Variants in BIRC6 observed in about 807,000 individuals in gnomAD.
The protein encoded by BIRC6 is baculoviral IAP repeat containing 6, also known as dual E2 ubiquitin-conjugating enzyme/E3 ubiquitin-protein ligase BIRC6.
BIRC6 carries 98 observed loss-of-function variants against 503.3 expected under a neutral mutation model. The ratio of observed to expected loss-of-function variants is 0.19; its 90% CI spans 0.17 to 0.23. BIRC6 has a LOEUF of 0.23. Ranked by LOEUF, BIRC6 falls within the 10% of genes least tolerant of loss-of-function variation. The pLI is 1.00. For synonymous variants in BIRC6, 2,240 were observed against 2,078.7 expected (o/e 1.08, Z -2.11); for missense variants, 5,360 against 5,806.0 (o/e 0.92, Z 2.50).
chr2:32,389,123 G>A (rs6734595), intron 4 of BIRC6, among the ~76,000 whole-genome samples, 180 bp downstream of exon 4: 9,745 of 152,066 alleles, frequency 0.064, 469 homozygotes, highest in Non-Finnish European at 0.098. Flanking sequence ...AAAGTAAACT[G>A]CTACTTGAAT....
intron 44 of BIRC6, among the ~76,000 whole-genome samples, chr2:32,491,922 A>G (rs890832226): frequency 1.1e-4 from 16 of 152,106 alleles, no homozygotes; most frequent in South Asian, 2.1e-4. Flanking sequence ...AAGATTATCA[A>G]TTCACCTTAA....
intron 71 of BIRC6, among the ~76,000 whole-genome samples, chr2:32,607,009 T>C (rs912295866): frequency 2.0e-5 from 3 of 147,246 alleles, no homozygotes; most frequent in African/African-American, 5.0e-5. Flanking sequence ...CTCAGTCTTA[T>C]TAAAAAAAAA....
chr2:32,560,079 T>C (rs924923358), intron 65 of BIRC6, among the ~76,000 whole-genome samples: 3 of 152,164 alleles, frequency 2.0e-5, no homozygotes, highest in African/African-American at 7.2e-5. Context: ...GTTCCAGACA[T>C]AGGCATAGAT....
chr2:32,492,792 A>T (rs1375187779), intron 44 of BIRC6, among the ~76,000 whole-genome samples: 1 of 152,046 alleles, frequency 6.6e-6, no homozygotes, highest in African/African-American at 2.4e-5. Flanking sequence ...TATAATTTGT[A>T]TGCTCAGTAT....
At chr2:32,449,672 G>A (rs571644915) in intron 22 of BIRC6, among the ~76,000 whole-genome samples, 2 of 152,152 alleles carry the variant, frequency 1.3e-5, no homozygotes, top group East Asian at 3.9e-4. Context: ...AACTTATGAG[G>A]TGTAATAAAA....
At chr2:32,591,640 C>A (rs2061386705) in intron 66 of BIRC6, among the ~76,000 whole-genome samples, 1 of 152,214 alleles carries the variant, frequency 6.6e-6, no homozygotes, top group Admixed American at 6.5e-5. Flanking sequence ...TCTTCCTTCT[C>A]TGCAAGATAT....
At chr2:32,401,712 GA>G (rs1442573452) in intron 8 of BIRC6, 89 bp downstream of exon 8, 53 of 1,205,664 alleles carry the variant, frequency 4.4e-5, no homozygotes, top group South Asian at 1.9e-4. Flanking sequence ...TAAAGAGGAG[GA>G]AAAAAAAGTT....
At chr2:32,455,382 A>C (rs1318170531) in intron 23 of BIRC6, among the ~76,000 whole-genome samples, 2 of 147,864 alleles carry the variant, frequency 1.4e-5, no homozygotes, top group African/African-American at 4.9e-5. Flanking sequence ...CTGTCTCCAA[A>C]AAAAAAAAAA....
At chr2:32,375,743 C>CTCTCTT (rs1432305814) in intron 1 of BIRC6, among the ~76,000 whole-genome samples, 3 of 138,380 alleles carry the variant, frequency 2.2e-5, no homozygotes, top group African/African-American at 8.1e-5. Context: ...CTTTCTCTCT[C>CTCTCTT]TTTTTTTTTT....
intron 6 of BIRC6, among the ~76,000 whole-genome samples, chr2:32,396,438 A>C (rs373808080): frequency 6.6e-6 from 1 of 152,228 alleles, no homozygotes; most frequent in Non-Finnish European, 1.5e-5. Flanking sequence ...GCTGATGTGC[A>C]TGGGGCAAAC....
chr2:32,474,560 G>A (rs1337342829), intron 33 of BIRC6, among the ~76,000 whole-genome samples: 1 of 152,166 alleles, frequency 6.6e-6, no homozygotes, highest in Non-Finnish European at 1.5e-5. Context: ...CATTTTGATG[G>A]TTGTAACTGT....
In BIRC6 at chr2:32,501,839, T is replaced by G. The variant is rs1400294869; in HGVS notation, c.9158T>G (p.Met3053Arg). Reference sequence around the variant, plus strand: ...AAAAAAGCTTCTACAGTCCACATGATGCTGCAGCCAATTTTAACATACATG... The same window carrying G: ...AAAAAAGCTTCTACAGTCCACATGAGGCTGCAGCCAATTTTAACATACATG... ...LSKKASTVHM[M>R]LQPILTYMAC... The change falls in exon 47 of 74, where the codon ATG becomes AGG. Residue 3053 changes from methionine (M) to arginine (R), a missense_variant. Around this residue, in one of 16 missense-constraint regions of BIRC6, gnomAD observed 267 missense variants for 287.6 expected, o/e 0.93. Transcript: ENST00000421745. The G allele has an allele frequency of 6.2e-7, 1 of 1,613,884 alleles. No individual in the cohort carries two copies. Among genetic ancestry groups the G allele is most frequent in the South Asian group, 1.1e-5 (1 of 91,050 alleles).
chr2:32,414,951 GA>G lies in BIRC6; in HGVS notation c.1664del (p.Lys555SerfsTer14). On this transcript the variant is annotated frameshift_variant, in exon 10 of 74. Transcript: ENST00000421745. LOFTEE classifies it high-confidence loss of function. ...LTNSKSEKTK[E>X]KHQEQHNIPF... Reference sequence around the variant, plus strand: ...AAACTCTAAGAGTGAAAAGACAAAGGAAAAGCACCAGGAGCAACACAACATT... The same window carrying G: ...AAACTCTAAGAGTGAAAAGACAAAGGAAAGCACCAGGAGCAACACAACATT... The G allele has an allele frequency of 6.2e-7, 1 of 1,613,918 alleles. No individual in the cohort carries two copies. Among genetic ancestry groups the G allele is most frequent in the South Asian group, 1.1e-5 (1 of 91,068 alleles).
At chr2:32,506,870 A>G (rs1388099139) in intron 50 of BIRC6, among the ~76,000 whole-genome samples, 2 of 152,162 alleles carry the variant, frequency 1.3e-5, no homozygotes, top group Non-Finnish European at 2.9e-5. Flanking sequence ...AATGTAGATA[A>G]TACTTTCCTC....
intron 66 of BIRC6, among the ~76,000 whole-genome samples, chr2:32,577,759 A>G (rs1015229876): frequency 1.3e-4 from 20 of 152,330 alleles, no homozygotes; most frequent in African/African-American, 4.8e-4. Flanking sequence ...TTAATTCACC[A>G]TGAAAATTTA....
At position 32,469,412 on chromosome 2, in the gene BIRC6, G is replaced by A; in HGVS notation, c.6145G>A (p.Val2049Ile). The change falls in exon 30 of 74, where the codon GTT becomes ATT. Residue 2049 changes from valine to isoleucine, a missense_variant. Val to Ile is a conservative substitution (Grantham distance 29). Around this residue, in one of 16 missense-constraint regions of BIRC6, gnomAD observed 2,299 missense variants for 2,267.2 expected, o/e 1.01. Transcript: ENST00000421745. Reference sequence around the variant, plus strand: ...TGTAATAGGACACTCTGTTCCTGCAGTTTTGCAGAGCACATTTCATGCCCA... The same window carrying A: ...TGTAATAGGACACTCTGTTCCTGCAATTTTGCAGAGCACATTTCATGCCCA... ...HASNGHSVPAVLQSTFHAQAC... is the reference protein window; with the variant it reads ...HASNGHSVPAILQSTFHAQAC... 6.2e-7 allele frequency: 1 copy of A among 1,613,332 alleles called. No homozygotes were observed. The highest frequency in any genetic ancestry group is 8.5e-7 in the Non-Finnish European group (1 of 1,179,616).
chr2:32,363,854 A>T (rs2034481004), intron 1 of BIRC6, among the ~76,000 whole-genome samples: 2 of 152,196 alleles, frequency 1.3e-5, no homozygotes, highest in Admixed American at 6.6e-5. Flanking sequence ...AATTCCTTTG[A>T]GTCTCTTGGC....
At chr2:32,494,361 G>T (rs894870818) in intron 45 of BIRC6, among the ~76,000 whole-genome samples, 2 of 151,682 alleles carry the variant, frequency 1.3e-5, no homozygotes, top group Non-Finnish European at 2.9e-5. Context: ...CCCAGTAGCT[G>T]GGATTACAGG....
chr2:32,451,036 T>C (rs998915875), intron 22 of BIRC6, among the ~76,000 whole-genome samples: 2 of 152,182 alleles, frequency 1.3e-5, no homozygotes, highest in African/African-American at 4.8e-5. Flanking sequence ...CTCTGTTACC[T>C]CCCATGATCA....
Sources: allele counts gnomAD v4.1 joint callset (sites outside exome capture counted in the v4.1 genomes callset), GRCh38; gene constraint gnomAD v4.1.1; regional missense constraint gnomAD v4.1.1; transcripts MANE v1.5; gene names NCBI Gene and HGNC (gene_info 2026-07-23, HGNC 2026-07-21).